ALPK2: variants seen among roughly 807,000 people sequenced by gnomAD.
The protein encoded by ALPK2 is alpha kinase 2.
ALPK2 carries 127 observed loss-of-function variants against 163.1 expected under a neutral mutation model. That is an observed-to-expected ratio of 0.78 (90% confidence interval 0.67 to 0.90). ALPK2 has a LOEUF of 0.90. Among genes scored for constraint, ALPK2 ranks in the 40% least tolerant of loss-of-function variants. ALPK2 has a pLI of 0.00. For missense variants in ALPK2, 2,360 were observed against 2,589.6 expected (o/e 0.91, Z 1.92); for synonymous variants, 953 against 959.1 (o/e 0.99, Z 0.12).
chr18:58,593,240 C>T (rs1292428162), intron 3 of ALPK2, among the ~76,000 whole-genome samples: 1 of 152,034 alleles, frequency 6.6e-6, no homozygotes, highest in Non-Finnish European at 1.5e-5. Flanking sequence ...GCTGTGACCC[C>T]AAAACTGCTC....
At chr18:58,533,046 C>G (rs1198228297) in intron 5 of ALPK2, among the ~76,000 whole-genome samples, 1 of 152,192 alleles carries the variant, frequency 6.6e-6, no homozygotes, top group African/African-American at 2.4e-5. Context: ...CTGGAAAAGT[C>G]TTTGGTTGTC....
chr18:58,568,783 A>G (rs2144185364), intron 4 of ALPK2, among the ~76,000 whole-genome samples: 1 of 152,364 alleles, frequency 6.6e-6, no homozygotes, highest in East Asian at 1.9e-4. Context: ...AGATGATTTG[A>G]AGTGAACAGG....
At chr18:58,497,240 A>G (rs2051405318) in intron 12 of ALPK2, among the ~76,000 whole-genome samples, 1 of 152,220 alleles carries the variant, frequency 6.6e-6, no homozygotes, top group Admixed American at 6.5e-5. Flanking sequence ...ACATTTTGAA[A>G]TAGAAGCCAT....
At chr18:58,596,908 C>A (rs2052044040) in intron 3 of ALPK2, among the ~76,000 whole-genome samples, 1 of 152,114 alleles carries the variant, frequency 6.6e-6, no homozygotes. Flanking sequence ...GCAGCCTCAA[C>A]CCCCCAGGCC....
At chr18:58,491,150 A>G (rs1241944534) in intron 12 of ALPK2, among the ~76,000 whole-genome samples, 1 of 152,230 alleles carries the variant, frequency 6.6e-6, no homozygotes, top group Non-Finnish European at 1.5e-5. Flanking sequence ...AAATTGTGAC[A>G]GTGAAAGAGA....
At chr18:58,562,356 G>A (rs2051829661) in intron 4 of ALPK2, among the ~76,000 whole-genome samples, 1 of 152,196 alleles carries the variant, frequency 6.6e-6, no homozygotes, top group Non-Finnish European at 1.5e-5. Flanking sequence ...TTCATTTTCA[G>A]TCTTTTTAAC....
chr18:58,494,516 A>G (rs1013858609), intron 12 of ALPK2, among the ~76,000 whole-genome samples: 1 of 152,214 alleles, frequency 6.6e-6, no homozygotes, highest in African/African-American at 2.4e-5. Flanking sequence ...AACAGGTTGC[A>G]TGACTGGGGT....
At chr18:58,514,398 A>G (rs2051510253) in intron 10 of ALPK2, among the ~76,000 whole-genome samples, 1 of 152,336 alleles carries the variant, frequency 6.6e-6, no homozygotes, top group Admixed American at 6.5e-5. Flanking sequence ...TGCAAATATG[A>G]TCTCAACCAG....
intron 12 of ALPK2, among the ~76,000 whole-genome samples, chr18:58,493,089 G>A (rs2051383353): frequency 6.6e-6 from 1 of 152,182 alleles, no homozygotes; most frequent in African/African-American, 2.4e-5. Flanking sequence ...TGGGATGCAG[G>A]TGGCCTTCCA....
intron 4 of ALPK2, among the ~76,000 whole-genome samples, chr18:58,551,646 A>G (rs2051760823): frequency 2.0e-5 from 3 of 152,240 alleles, no homozygotes; most frequent in Admixed American, 2.0e-4. Flanking sequence ...GCAGTGAAGC[A>G]TAGTCACTTG....
intron 1 of ALPK2, among the ~76,000 whole-genome samples, chr18:58,618,961 C>T (rs1397626446): frequency 3.3e-5 from 5 of 152,220 alleles, no homozygotes; most frequent in South Asian, 2.1e-4. Flanking sequence ...AGTCAGGGCG[C>T]CTACTCAGCG....
At chr18:58,572,036 A>G (rs1423732166) in intron 4 of ALPK2, among the ~76,000 whole-genome samples, 1 of 152,006 alleles carries the variant, frequency 6.6e-6, no homozygotes, top group African/African-American at 2.4e-5. Context: ...TCTAGAATGC[A>G]TATAGAAGTC....
intron 3 of ALPK2, among the ~76,000 whole-genome samples, chr18:58,604,691 G>T (rs534991964): frequency 6.6e-6 from 1 of 152,332 alleles, no homozygotes; most frequent in African/African-American, 2.4e-5. Context: ...ACTTTTCCTA[G>T]TAGACGGGCT....
Position 58,579,535 on chromosome 18 carries a change from C to T in ALPK2, c.1241G>A (p.Ser414Asn), listed in dbSNP as rs1007545064. The change falls in exon 4 of 13, where the codon AGC becomes AAC. Residue 414 changes from serine (S) to asparagine (N), a missense_variant. Transcript: ENST00000361673. ...HSQPQEVGVR[S>N]SRVSKHGPSS... is the part of the protein sequence containing the mutation. ...GGGACCGTGCTTGGAGACTCTGCTGCTCCTCACCCCAACTTCTTGGGGTTG... is the reference window on the plus strand; with the variant it reads ...GGGACCGTGCTTGGAGACTCTGCTGTTCCTCACCCCAACTTCTTGGGGTTG... The T allele has an allele frequency of 1.2e-6, 2 of 1,613,762 alleles. No homozygotes were observed. Among genetic ancestry groups the T allele is most frequent in the Non-Finnish European group, 1.7e-6 (2 of 1,180,018 alleles).
intron 11 of ALPK2, among the ~76,000 whole-genome samples, chr18:58,502,379 A>G (rs145858622): frequency 7.8e-4 from 118 of 152,214 alleles, no homozygotes; most frequent in African/African-American, 2.5e-3. Flanking sequence ...AAATGGGTTA[A>G]AAGAAATAGG....
Position 58,537,781 on chromosome 18 carries a change from A to G in ALPK2, c.2406T>C (p.Cys802=), listed in dbSNP as rs748298570. Residue 802 remains cysteine, a synonymous_variant, in exon 5 of 13, where the codon TGT becomes TGC. Transcript: ENST00000361673. ...CDEPRDREAV[C]AMECFEAGDQ... is the part of the protein sequence containing the mutation. ...CACCAGCCTCAAAACACTCCATTGCACACACTGCTTCTCTGTCCCTTGGCT... is the reference window on the plus strand; with the variant it reads ...CACCAGCCTCAAAACACTCCATTGCGCACACTGCTTCTCTGTCCCTTGGCT... The G allele has an allele frequency of 1.2e-6, 2 of 1,614,148 alleles. No individual in the cohort carries two copies. Among genetic ancestry groups the G allele is most frequent in the Non-Finnish European group, 1.7e-6 (2 of 1,179,998 alleles).
chr18:58,532,388 AGGGTCAGAACCTACCCC>A (rs2051620874), intron 5 of ALPK2, among the ~76,000 whole-genome samples: 1 of 152,234 alleles, frequency 6.6e-6, no homozygotes, highest in South Asian at 2.1e-4. Context: ...AAAGGACTGC[AGGGTCAGAACCTACCCC>A]GGCATGGGCA....
chr18:58,543,416 CTG>C, intron 4 of ALPK2: 2 of 985,364 alleles, frequency 2.0e-6, no homozygotes, highest in Non-Finnish European at 1.2e-6. Flanking sequence ...TGGAGGCAGT[CTG>C]TGCGTTGATA....
intron 3 of ALPK2, among the ~76,000 whole-genome samples, chr18:58,597,092 A>G (rs1461173258): frequency 6.6e-6 from 1 of 152,232 alleles, no homozygotes; most frequent in Non-Finnish European, 1.5e-5. Context: ...GTTTGAGACC[A>G]GCCTGGGCAA....
Sources: gnomAD v4.1 joint callset for allele counts (sites outside exome capture counted in the v4.1 genomes callset) on GRCh38, gnomAD v4.1.1 for gene constraint, MANE v1.5 for transcripts, NCBI Gene and HGNC (gene_info 2026-07-23, HGNC 2026-07-21) for gene names.